The following CNTNAP5 variants were observed in gnomAD, a reference collection of about 807,000 sequenced individuals.
The protein encoded by CNTNAP5 is contactin-associated protein-like 5.
Under a neutral mutation model 150.2 loss-of-function variants are expected in CNTNAP5, and 72 were observed. The ratio of observed to expected loss-of-function variants is 0.48; its 90% CI spans 0.40 to 0.58. The LOEUF (loss-of-function observed/expected upper bound fraction) is 0.58. Ranked by LOEUF, CNTNAP5 falls within the 20% of genes least tolerant of loss-of-function variation. The pLI, the probability that CNTNAP5 is intolerant of heterozygous loss-of-function variation, is 0.00. For synonymous variants in CNTNAP5, 672 were observed against 619.8 expected, an observed-to-expected ratio of 1.08 and a Z score of -1.25; for missense variants, 1,636 against 1,626.2, an observed-to-expected ratio of 1.01 and a Z score of -0.10.
intron 1 of CNTNAP5, among the ~76,000 whole-genome samples, chr2:124,179,221 G>A (rs138842510): frequency 0.011 from 1,634 of 152,008 alleles, 15 homozygotes; most frequent in Non-Finnish European, 0.017. Context: ...CAGCAGTAGC[G>A]TGATCTCAGC....
intron 3 of CNTNAP5, among the ~76,000 whole-genome samples, chr2:124,413,516 T>G (rs1691833242): frequency 1.5e-5 from 2 of 133,556 alleles, no homozygotes; most frequent in African/African-American, 5.7e-5. Context: ...ATTAAGAAAA[T>G]GTGGCACATA....
intron 19 of CNTNAP5, among the ~76,000 whole-genome samples, chr2:124,849,919 G>A (rs6722005): frequency 0.016 from 2,500 of 152,300 alleles, 63 homozygotes; most frequent in African/African-American, 0.057. Flanking sequence ...AAGGAAGGAT[G>A]TCAAGTATGG....
intron 3 of CNTNAP5, among the ~76,000 whole-genome samples, chr2:124,416,936 C>CTTTTTTTTTTTTTTTT (rs70996064): frequency 9.4e-6 from 1 of 106,600 alleles, no homozygotes. Flanking sequence ...AGAGGGATTT[C>CTTTTTTTTTTTTTTTT]TTTTTTTTTT....
At chr2:124,723,483 C>A (rs990159797) in intron 13 of CNTNAP5, among the ~76,000 whole-genome samples, 3 of 152,106 alleles carry the variant, frequency 2.0e-5, no homozygotes, top group Non-Finnish European at 4.4e-5. Flanking sequence ...TTGCATATTA[C>A]CCAATTCCAA....
intron 14 of CNTNAP5, among the ~76,000 whole-genome samples, chr2:124,753,763 T>C (rs1272180431): frequency 6.6e-6 from 1 of 152,206 alleles, no homozygotes; most frequent in African/African-American, 2.4e-5. Context: ...ATATGTCAGG[T>C]AGCTTGATTT....
chr2:124,278,129 A>G (rs1220009547), intron 3 of CNTNAP5, among the ~76,000 whole-genome samples: 2 of 152,176 alleles, frequency 1.3e-5, no homozygotes, highest in African/African-American at 4.8e-5. Flanking sequence ...CCCATTCTTA[A>G]GTTATATGGG....
intron 10 of CNTNAP5, among the ~76,000 whole-genome samples, chr2:124,532,332 G>T (rs1171666260): frequency 2.0e-5 from 3 of 152,126 alleles, no homozygotes; most frequent in Admixed American, 2.0e-4. Flanking sequence ...TCTATGAGGG[G>T]ACATTCAGAG....
In CNTNAP5 at chr2:124,735,873, G is replaced by A. The variant is rs74923763; in HGVS notation, c.2078-11356G>A. Among the ~76,000 whole-genome samples the A allele has an allele frequency of 3.0e-3, 451 of 152,300 alleles. 3 individuals are homozygous for A. Among genetic ancestry groups the A allele is most frequent in the African/African-American group, 0.01 (426 of 41,564 alleles). Reference sequence around the variant, plus strand: ...GATGTGAACCTCGTTTCGAATGTTAGTGTTACGGATATCCAACTTTCCTCA... The same window carrying A: ...GATGTGAACCTCGTTTCGAATGTTAATGTTACGGATATCCAACTTTCCTCA... On this transcript the variant is annotated intron_variant, in intron 13 of 23. Coordinates refer to ENST00000682447, the MANE Select transcript of CNTNAP5 (RefSeq NM_001367498.1).
At chr2:124,126,360 A>G (rs1683699964) in intron 1 of CNTNAP5, among the ~76,000 whole-genome samples, 1 of 152,196 alleles carries the variant, frequency 6.6e-6, no homozygotes, top group Non-Finnish European at 1.5e-5. Context: ...TAAATCAGGA[A>G]GAAGTTGAAT....
intron 3 of CNTNAP5, among the ~76,000 whole-genome samples, chr2:124,261,030 C>A (rs1687440289): frequency 6.6e-6 from 1 of 151,988 alleles, no homozygotes; most frequent in Admixed American, 6.6e-5. Flanking sequence ...AAATACACCT[C>A]AAATTTTATA....
intron 8 of CNTNAP5, among the ~76,000 whole-genome samples, chr2:124,507,978 C>G (rs1403673626): frequency 6.6e-6 from 1 of 152,088 alleles, no homozygotes; most frequent in African/African-American, 2.4e-5. Context: ...TCCTTAGAAG[C>G]AGGTAAATAT....
At chr2:124,567,747 G>A (rs1696055465) in intron 11 of CNTNAP5, among the ~76,000 whole-genome samples, 1 of 151,944 alleles carries the variant, frequency 6.6e-6, no homozygotes, top group African/African-American at 2.4e-5. Context: ...GGTATATTTT[G>A]GTCATGGTAT....
intron 1 of CNTNAP5, among the ~76,000 whole-genome samples, chr2:124,198,865 C>CT (rs56176605): frequency 0.016 from 2,199 of 139,254 alleles, 44 homozygotes; most frequent in African/African-American, 0.05. Context: ...CACATGATTT[C>CT]TTTTTTTTTT....
chr2:124,359,282 G>T (rs569450929), intron 3 of CNTNAP5, among the ~76,000 whole-genome samples: 1 of 150,478 alleles, frequency 6.6e-6, no homozygotes, highest in Non-Finnish European at 1.5e-5. Flanking sequence ...TTTTTTGAAG[G>T]GTTTTTTGTG....
chr2:124,689,949 G>C (rs1679267467), intron 13 of CNTNAP5, among the ~76,000 whole-genome samples: 1 of 151,904 alleles, frequency 6.6e-6, no homozygotes, highest in Admixed American at 6.6e-5. Context: ...AATTGTAAGA[G>C]ATGCCAAAAG....
At chr2:124,204,532 T>A (rs1685813780) in intron 1 of CNTNAP5, among the ~76,000 whole-genome samples, 1 of 152,170 alleles carries the variant, frequency 6.6e-6, no homozygotes, top group East Asian at 1.9e-4. Flanking sequence ...TAGTCCATTT[T>A]CATACTGCTA....
chr2:124,468,179 A>G (rs1245277271), intron 6 of CNTNAP5, among the ~76,000 whole-genome samples: 2 of 152,162 alleles, frequency 1.3e-5, no homozygotes, highest in African/African-American at 4.8e-5. Flanking sequence ...ATACATGTAT[A>G]TATTAAAGGG....
rs143867661 is a variant in CNTNAP5, at chr2:124,700,144, A to G, written c.2078-47085A>G. Among the ~76,000 whole-genome samples, 67 of 152,290 alleles carry G rather than the reference A, an allele frequency of 4.4e-4. No individual in the cohort carries two copies. In the Middle Eastern group the frequency reaches 0.01, roughly 23 times the overall value. On this transcript the variant is annotated intron_variant, in intron 13 of 23. Transcript: ENST00000682447. The stretch of plus-strand genomic sequence containing the variant: ...TGGTCATTTGTTTCTGGCTTCTTCC[A>G]CTTAATAGAATGTTTTCATGATTTG...
At chr2:124,339,793 G>A (rs1252539127) in intron 3 of CNTNAP5, among the ~76,000 whole-genome samples, 1 of 152,108 alleles carries the variant, frequency 6.6e-6, no homozygotes, top group Non-Finnish European at 1.5e-5. Flanking sequence ...TTGGTGGGCA[G>A]GGGTGAGGGA....
Sources: gnomAD v4.1 joint callset for allele counts (sites outside exome capture counted in the v4.1 genomes callset) on GRCh38, gnomAD v4.1.1 for gene constraint, MANE v1.5 for transcripts, NCBI Gene and HGNC (gene_info 2026-07-23, HGNC 2026-07-21) for gene names.